The following ERC2 variants were observed in gnomAD, a reference collection of about 807,000 sequenced individuals.
The protein encoded by ERC2 is ELKS/RAB6-interacting/CAST family member 2.
In ERC2, 42 loss-of-function variants were observed where a neutral mutation model predicts 114.8. The observed-to-expected ratio is 0.37, with a 90% CI of 0.29 to 0.47. ERC2 has a LOEUF of 0.47. Ranked by LOEUF, ERC2 falls within the 20% of genes least tolerant of loss-of-function variation. The pLI is 0.99. For missense variants in ERC2, 939 were observed against 1,150.7 expected, an observed-to-expected ratio of 0.82 and a Z score of 2.66; for synonymous variants, 454 against 425.5, an observed-to-expected ratio of 1.07 and a Z score of -0.82.
At chr3:55,948,923 A>T (rs1466359340) in intron 13 of ERC2, among the ~76,000 whole-genome samples, 1 of 152,214 alleles carries the variant, frequency 6.6e-6, no homozygotes, top group African/African-American at 2.4e-5. Context: ...TATTTTGGGC[A>T]TGGTCTGTAC....
chr3:55,857,964 A>G (rs1016692239), intron 14 of ERC2, among the ~76,000 whole-genome samples: 11 of 152,182 alleles, frequency 7.2e-5, no homozygotes, highest in Non-Finnish European at 1.3e-4. Context: ...TGCTCCCCAA[A>G]TGGTACATAA....
At chr3:56,399,697 T>C (rs2060449414) in intron 2 of ERC2, among the ~76,000 whole-genome samples, 1 of 152,104 alleles carries the variant, frequency 6.6e-6, no homozygotes, top group Non-Finnish European at 1.5e-5. Flanking sequence ...AAATAATGTA[T>C]ATTATTTCCC....
At chr3:56,412,865 C>A (rs1307372286) in intron 2 of ERC2, among the ~76,000 whole-genome samples, 1 of 152,122 alleles carries the variant, frequency 6.6e-6, no homozygotes, top group African/African-American at 2.4e-5. Context: ...AAAGGTTAAA[C>A]TATAAAGTCA....
At position 55,714,639 on chromosome 3, in the gene ERC2, ATGTGTG is replaced by A. The variant is rs34850947; in HGVS notation, c.2713-15133_2713-15128del. Among the ~76,000 whole-genome samples, 420 of 99,756 alleles carry A rather than the reference ATGTGTG, an allele frequency of 4.2e-3. 4 individuals carry two copies. The highest frequency in any genetic ancestry group is 8.5e-3 in the African/African-American group (211 of 24,682). 65.4% of individuals were successfully genotyped at this position (99,756 alleles called of 152,430 possible). A position where few individuals can be genotyped will look rare whatever the true frequency, so the allele number is the denominator to read the frequency against. On this transcript the variant is annotated intron_variant, in intron 15 of 17. Coordinates refer to ENST00000288221, the MANE Select transcript of ERC2 (RefSeq NM_015576.3). The stretch of plus-strand genomic sequence containing the variant: ...TAAATATATATATGGGTTTGTATAT[ATGTGTG>A]TGTGTGTGTGTGTGTGTGTGTGTAT...
chr3:56,214,662 G>A (rs1349175772), intron 3 of ERC2, among the ~76,000 whole-genome samples: 3 of 151,814 alleles, frequency 2.0e-5, no homozygotes, highest in Admixed American at 6.6e-5. Flanking sequence ...GATACTCCTC[G>A]AGAAGAGCAA....
chr3:56,186,743 TG>T (rs1443324426), intron 3 of ERC2, among the ~76,000 whole-genome samples: 1 of 152,160 alleles, frequency 6.6e-6, no homozygotes, highest in African/African-American at 2.4e-5. Flanking sequence ...TTCACCATGT[TG>T]GCGAGACTGG....
At chr3:56,400,526 A>G (rs1165452442) in intron 2 of ERC2, among the ~76,000 whole-genome samples, 1 of 152,200 alleles carries the variant, frequency 6.6e-6, no homozygotes, top group Non-Finnish European at 1.5e-5. Flanking sequence ...CAATGCATTA[A>G]TCCAAAACCC....
intron 2 of ERC2, among the ~76,000 whole-genome samples, chr3:56,400,947 C>T (rs9851360): frequency 0.45 from 68,636 of 152,076 alleles, 16,633 homozygotes; most frequent in African/African-American, 0.62. Flanking sequence ...TTATTAACCA[C>T]GATCTTGCAA....
At chr3:56,230,680 T>A (rs1478529110) in intron 3 of ERC2, among the ~76,000 whole-genome samples, 1 of 152,248 alleles carries the variant, frequency 6.6e-6, no homozygotes, top group Admixed American at 6.5e-5. Context: ...TGCAGAATTA[T>A]GTATGTAAGA....
At chr3:56,002,429 A>T (rs542737397) in intron 10 of ERC2, among the ~76,000 whole-genome samples, 6 of 152,320 alleles carry the variant, frequency 3.9e-5, no homozygotes, top group African/African-American at 1.2e-4. Flanking sequence ...TTAAAAAACA[A>T]ACTGCTTCAT....
chr3:56,081,541 C>G (rs1469776285), intron 6 of ERC2, among the ~76,000 whole-genome samples: 2 of 150,470 alleles, frequency 1.3e-5, no homozygotes, highest in African/African-American at 4.9e-5. Flanking sequence ...CCTCATGAGA[C>G]TGCTTTCCAA....
intron 13 of ERC2, among the ~76,000 whole-genome samples, chr3:55,897,265 C>T (rs1033188089): frequency 9.2e-5 from 14 of 152,184 alleles, no homozygotes; most frequent in Non-Finnish European, 1.9e-4. Flanking sequence ...GTGGCAGCTT[C>T]CCATGCTTTT....
intron 2 of ERC2, among the ~76,000 whole-genome samples, chr3:56,392,671 TA>T (rs2106856670): frequency 6.6e-6 from 1 of 152,244 alleles, no homozygotes; most frequent in South Asian, 2.1e-4. Flanking sequence ...TTAAAATAAA[TA>T]AAAAGTCCTT....
chr3:55,700,449 C>T (rs778993422), intron 15 of ERC2, among the ~76,000 whole-genome samples: 1 of 152,192 alleles, frequency 6.6e-6, no homozygotes, highest in Non-Finnish European at 1.5e-5. Flanking sequence ...TTAATTTCCT[C>T]AACTCTAAAA....
chr3:55,987,699 T>C (rs1428213244), intron 11 of ERC2, among the ~76,000 whole-genome samples: 2 of 152,234 alleles, frequency 1.3e-5, no homozygotes, highest in Admixed American at 6.5e-5. Flanking sequence ...AGTACATTAT[T>C]GAGCAAATCA....
intron 6 of ERC2, among the ~76,000 whole-genome samples, chr3:56,083,082 T>A (rs1410559540): frequency 6.6e-6 from 1 of 152,182 alleles, no homozygotes; most frequent in Non-Finnish European, 1.5e-5. Context: ...AAAAGACATG[T>A]CCACAAAATG....
At chr3:55,838,039 C>T (rs1319708952) in intron 14 of ERC2, among the ~76,000 whole-genome samples, 2 of 151,276 alleles carry the variant, frequency 1.3e-5, no homozygotes, top group Non-Finnish European at 2.9e-5. Flanking sequence ...CAATATTACA[C>T]ATTTATGTAC....
chr3:56,457,631 C>T (rs142610785), intron 1 of ERC2, among the ~76,000 whole-genome samples: 4 of 152,188 alleles, frequency 2.6e-5, no homozygotes, highest in Admixed American at 6.5e-5. Context: ...CTCACAGGGT[C>T]TTATGCCCTG....
At chr3:56,094,838 A>G (rs1007510089) in intron 6 of ERC2, among the ~76,000 whole-genome samples, 12 of 152,248 alleles carry the variant, frequency 7.9e-5, no homozygotes, top group African/African-American at 2.7e-4. Context: ...TTCCATTGAT[A>G]ATGACTGAAA....
Sources: allele counts gnomAD v4.1 joint callset (sites outside exome capture counted in the v4.1 genomes callset), GRCh38; gene constraint gnomAD v4.1.1; transcripts MANE v1.5; gene names NCBI Gene and HGNC (gene_info 2026-07-23, HGNC 2026-07-21).